FBP1: variants seen among roughly 807,000 people sequenced by gnomAD.
The protein encoded by FBP1 is fructose-bisphosphatase 1.
A neutral mutation model predicts 29.9 loss-of-function variants in FBP1; 22 were observed. The observed-to-expected ratio is 0.74, with a 90% CI of 0.53 to 1.05. The LOEUF (loss-of-function observed/expected upper bound fraction) is 1.05, where lower values mean the gene tolerates loss of function less well. FBP1 is among the 50% of genes least tolerant of loss of function. The pLI is 0.00. For synonymous variants in FBP1, 175 were observed against 178.6 expected (o/e 0.98, Z 0.16); for missense variants, 345 against 448.2 (o/e 0.77, Z 2.08).
chr9:94,626,671 T>TCC (rs2131496713), intron 1 of FBP1, among the ~76,000 whole-genome samples: 1 of 152,094 alleles, frequency 6.6e-6, no homozygotes, highest in East Asian at 1.9e-4. Flanking sequence ...AGAGGAAAAA[T>TCC]TCCTCAGAAA....
intron 1 of FBP1, among the ~76,000 whole-genome samples, chr9:94,623,055 G>C (rs1392331699): frequency 6.6e-6 from 1 of 152,006 alleles, no homozygotes; most frequent in Non-Finnish European, 1.5e-5. Flanking sequence ...CGTGATCTCG[G>C]CTCACTGCAA....
intron 1 of FBP1, among the ~76,000 whole-genome samples, chr9:94,632,400 T>C (rs1192307628): frequency 1.3e-5 from 2 of 152,144 alleles, no homozygotes; most frequent in African/African-American, 4.8e-5. Context: ...CCAGGCACGG[T>C]GGCTCACACT....
chr9:94,605,043 G>C (rs1297217902), intron 6 of FBP1, among the ~76,000 whole-genome samples: 6 of 152,146 alleles, frequency 3.9e-5, no homozygotes, highest in Non-Finnish European at 1.5e-5. Flanking sequence ...TGACTCACTA[G>C]TTACCTCTGT....
At chr9:94,620,294 C>T (rs773800526) in intron 2 of FBP1, 35 bp downstream of exon 2, 3 of 1,610,638 alleles carry the variant, frequency 1.9e-6, no homozygotes, top group African/African-American at 2.7e-5. Flanking sequence ...AGACCGGCTA[C>T]ATTAAAACCC....
At chr9:94,606,015 C>A (rs1043456120) in intron 5 of FBP1, among the ~76,000 whole-genome samples, 1 of 152,028 alleles carries the variant, frequency 6.6e-6, no homozygotes, top group Non-Finnish European at 1.5e-5. Flanking sequence ...GGAGGAGGAG[C>A]CTGTGGGACT....
In FBP1 at chr9:94,639,088, G is replaced by A; in HGVS notation, c.170+53C>T. On this transcript the variant is annotated intron_variant, in intron 1 of 6. Coordinates refer to ENST00000375326, the MANE Select transcript of FBP1 (RefSeq NM_000507.4). Reference sequence around the variant, plus strand: ...GGGCCCAACGTCAGCCCGCCGGGCAGGCTCCCCAGGCAGACAGACAGGACG... The same window carrying A: ...GGGCCCAACGTCAGCCCGCCGGGCAAGCTCCCCAGGCAGACAGACAGGACG... 2.6e-6 allele frequency: 4 copies of A among 1,542,062 alleles called. No homozygotes were observed. In the South Asian group the frequency reaches 3.6e-5, roughly 14 times the overall value.
At chr9:94,634,950 A>G (rs1828169066) in intron 1 of FBP1, among the ~76,000 whole-genome samples, 1 of 152,092 alleles carries the variant, frequency 6.6e-6, no homozygotes, top group South Asian at 2.1e-4. Context: ...TTAGCCAGGT[A>G]TGGTAGTGTA....
chr9:94,633,638 C>T (rs1394141351), intron 1 of FBP1, among the ~76,000 whole-genome samples: 2 of 152,192 alleles, frequency 1.3e-5, no homozygotes, highest in Admixed American at 6.5e-5. Flanking sequence ...GCTTCCCCTG[C>T]ACGTGCCCAT....
intron 1 of FBP1, among the ~76,000 whole-genome samples, chr9:94,625,903 C>T (rs1445594454): frequency 6.6e-6 from 1 of 152,192 alleles, no homozygotes; most frequent in Admixed American, 6.5e-5. Context: ...CCCTCAGCAC[C>T]TCCATGGACA....
At chr9:94,616,622 C>T (rs541233534) in intron 3 of FBP1, among the ~76,000 whole-genome samples, 11 of 151,772 alleles carry the variant, frequency 7.2e-5, no homozygotes, top group African/African-American at 2.2e-4. Flanking sequence ...TTAGTAGAGA[C>T]GGGGTTTCAC....
At chr9:94,621,398 A>AAAAAAAAAATAT (rs58726402) in intron 1 of FBP1, among the ~76,000 whole-genome samples, 5 of 146,228 alleles carry the variant, frequency 3.4e-5, no homozygotes, top group Admixed American at 1.3e-4. Flanking sequence ...TCCGTCTAAA[A>AAAAAAAAAATAT]ATATATATAT....
At chr9:94,623,845 G>A (rs1455759251) in intron 1 of FBP1, among the ~76,000 whole-genome samples, 1 of 152,220 alleles carries the variant, frequency 6.6e-6, no homozygotes, top group Non-Finnish European at 1.5e-5. Flanking sequence ...TTCTACTGGG[G>A]TGAGCACAAA....
At chr9:94,620,225 G>T in intron 2 of FBP1, 104 bp downstream of exon 2, 1 of 1,162,374 alleles carries the variant, frequency 8.6e-7, no homozygotes. Context: ...GGGATCTAGA[G>T]GGACTCCCAG....
chr9:94,630,243 C>T (rs962911393), intron 1 of FBP1, among the ~76,000 whole-genome samples: 1 of 152,006 alleles, frequency 6.6e-6, no homozygotes, highest in Non-Finnish European at 1.5e-5. Context: ...TAAAAGGATC[C>T]AAGAATTCCT....
chr9:94,638,877 G>A (rs1382116235), intron 1 of FBP1, among the ~76,000 whole-genome samples: 1 of 152,170 alleles, frequency 6.6e-6, no homozygotes, highest in African/African-American at 2.4e-5. Flanking sequence ...GAAGAGGAAT[G>A]CAAGATGGAA....
chr9:94,633,868 C>A (rs1361245638), intron 1 of FBP1, among the ~76,000 whole-genome samples: 1 of 151,748 alleles, frequency 6.6e-6, no homozygotes, highest in Admixed American at 6.6e-5. Context: ...CCACGCCCGG[C>A]TAATTTTTTT....
intron 1 of FBP1, among the ~76,000 whole-genome samples, chr9:94,626,578 GA>G (rs1828029206): frequency 1.3e-5 from 2 of 152,170 alleles, no homozygotes; most frequent in Non-Finnish European, 2.9e-5. Context: ...GGGACCCTAA[GA>G]AGGGCTTGAG....
intron 3 of FBP1, among the ~76,000 whole-genome samples, chr9:94,610,866 C>CTTT (rs5899227): frequency 0.081 from 11,612 of 143,836 alleles, 599 homozygotes; most frequent in East Asian, 0.21. Flanking sequence ...TGATTTTCTT[C>CTTT]TTTTTTTTTT....
intron 1 of FBP1, among the ~76,000 whole-genome samples, chr9:94,633,103 CTTGTTT>C (rs953551912): frequency 2.0e-5 from 3 of 152,276 alleles, no homozygotes; most frequent in African/African-American, 7.2e-5. Context: ...CCAGCTCCTC[CTTGTTT>C]TTGTTTTTGT....
Sources: gnomAD v4.1 joint callset for allele counts (sites outside exome capture counted in the v4.1 genomes callset) on GRCh38, gnomAD v4.1.1 for gene constraint, MANE v1.5 for transcripts, NCBI Gene and HGNC (gene_info 2026-07-23, HGNC 2026-07-21) for gene names.